Variants in LTBP1 observed in about 807,000 individuals in gnomAD.
LTBP1 encodes latent-transforming growth factor beta-binding protein 1.
LTBP1 carries 129 observed loss-of-function variants against 207.6 expected under a neutral mutation model. That is an observed-to-expected ratio of 0.62 (90% CI 0.54 to 0.72). The LOEUF is 0.72. LTBP1 is among the 30% of genes least tolerant of loss of function. The pLI is 0.00. For missense variants in LTBP1, 2,281 were observed against 2,217.2 expected (o/e 1.03, Z -0.58); for synonymous variants, 963 against 833.7 (o/e 1.16, Z -2.67).
intron 2 of LTBP1, 108 bp from the exon 3 acceptor site, chr2:33,020,801 T>C: frequency 8.8e-7 from 1 of 1,131,080 alleles, no homozygotes; most frequent in Non-Finnish European, 1.2e-6. Flanking sequence ...ATTTGTGTGG[T>C]TTTTTATTGG....
At chr2:33,359,251 G>A (rs1214431200) in intron 26 of LTBP1, among the ~76,000 whole-genome samples, 2 of 152,128 alleles carry the variant, frequency 1.3e-5, no homozygotes, top group African/African-American at 4.8e-5. Flanking sequence ...ATATTTCAGA[G>A]GTTTGTTTGC....
chr2:33,153,955 T>C (rs111466900), intron 5 of LTBP1, among the ~76,000 whole-genome samples: 3,004 of 152,290 alleles, frequency 0.02, 103 homozygotes, highest in African/African-American at 0.069. Flanking sequence ...AGCCCCCTCC[T>C]GCAGGGTCCC....
intron 3 of LTBP1, among the ~76,000 whole-genome samples, chr2:33,081,552 C>A (rs1460409502): frequency 5.3e-5 from 8 of 152,016 alleles, no homozygotes; most frequent in African/African-American, 1.9e-4. Context: ...AAATCTCGGG[C>A]TCTGTAATGT....
At chr2:33,237,021 G>T (rs551372592) in intron 9 of LTBP1, among the ~76,000 whole-genome samples, 17 of 152,258 alleles carry the variant, frequency 1.1e-4, no homozygotes, top group Admixed American at 4.6e-4. Flanking sequence ...TATAATCATG[G>T]GACAGTTACA....
At chr2:33,076,175 T>TA (rs1394574229) in intron 3 of LTBP1, among the ~76,000 whole-genome samples, 1 of 152,224 alleles carries the variant, frequency 6.6e-6, no homozygotes, top group Non-Finnish European at 1.5e-5. Context: ...AAATGTGACT[T>TA]ACGGAAGAAT....
chr2:33,276,888 C>CT (rs755593996), intron 18 of LTBP1, among the ~76,000 whole-genome samples: 2 of 152,110 alleles, frequency 1.3e-5, no homozygotes, highest in Non-Finnish European at 2.9e-5. Context: ...CACTATGGCA[C>CT]TTTTTTTGCA....
At chr2:33,203,766 A>T (rs552690960) in intron 7 of LTBP1, among the ~76,000 whole-genome samples, 1 of 152,342 alleles carries the variant, frequency 6.6e-6, no homozygotes, top group African/African-American at 2.4e-5. Flanking sequence ...AGGAATAAGC[A>T]TTGAAAATAA....
At chr2:33,138,911 T>C (rs986508824) in intron 5 of LTBP1, among the ~76,000 whole-genome samples, 1 of 126,810 alleles carries the variant, frequency 7.9e-6, no homozygotes, top group Admixed American at 9.9e-5. Flanking sequence ...CAGGCTGGAG[T>C]GCAGTGGCGC....
intron 3 of LTBP1, among the ~76,000 whole-genome samples, chr2:33,057,706 T>C (rs1382664907): frequency 1.3e-5 from 2 of 152,214 alleles, no homozygotes; most frequent in Non-Finnish European, 2.9e-5. Flanking sequence ...CCGGCACGGC[T>C]GGCCGGCAGC....
chr2:32,998,299 T>C (rs1385614405), intron 2 of LTBP1, among the ~76,000 whole-genome samples: 1 of 151,672 alleles, frequency 6.6e-6, no homozygotes, highest in Non-Finnish European at 1.5e-5. Context: ...GGGCAGATCA[T>C]GAGGTCAGGA....
intron 31 of LTBP1, among the ~76,000 whole-genome samples, chr2:33,368,385 A>C (rs144488203): frequency 3.3e-5 from 5 of 152,278 alleles, no homozygotes; most frequent in African/African-American, 1.2e-4. Flanking sequence ...GGTTGATTCT[A>C]TCTCTTTGCT....
At chr2:33,341,166 A>C (rs1429077844) in intron 24 of LTBP1, among the ~76,000 whole-genome samples, 1 of 152,154 alleles carries the variant, frequency 6.6e-6, no homozygotes, top group African/African-American at 2.4e-5. Context: ...GAGATGTGGC[A>C]GTGCCCAAGG....
At chr2:32,962,197 G>GA (rs1035781392) in intron 2 of LTBP1, among the ~76,000 whole-genome samples, 1 of 152,066 alleles carries the variant, frequency 6.6e-6, no homozygotes, top group African/African-American at 2.4e-5. Context: ...ACACCTCCTA[G>GA]AAGTTGGTTT....
At chr2:33,302,568 C>A (rs997657896) in intron 22 of LTBP1, among the ~76,000 whole-genome samples, 1 of 152,156 alleles carries the variant, frequency 6.6e-6, no homozygotes, top group African/African-American at 2.4e-5. Context: ...TTGGCAGAAG[C>A]AGTCACAAGT....
intron 31 of LTBP1, among the ~76,000 whole-genome samples, chr2:33,371,156 T>C (rs936711463): frequency 6.6e-6 from 1 of 152,232 alleles, no homozygotes; most frequent in African/African-American, 2.4e-5. Context: ...TTTCTGGGGC[T>C]GCTTAGGATC....
chr2:33,171,528 T>C (rs1179945905), intron 5 of LTBP1, among the ~76,000 whole-genome samples: 1 of 151,286 alleles, frequency 6.6e-6, no homozygotes, highest in African/African-American at 2.4e-5. Flanking sequence ...AATCTACGTC[T>C]GATTGGTGTA....
At chr2:33,274,926 A>T (rs1022921072) in intron 16 of LTBP1, 39 bp from the exon 17 acceptor site, 74 of 1,603,340 alleles carry the variant, frequency 4.6e-5, no homozygotes, top group Non-Finnish European at 6.1e-5. Flanking sequence ...AGTTCTTGCT[A>T]CACAGAACTA....
At chr2:33,016,171 A>G (rs1459444205) in intron 2 of LTBP1, among the ~76,000 whole-genome samples, 1 of 152,134 alleles carries the variant, frequency 6.6e-6, no homozygotes, top group Admixed American at 6.5e-5. Flanking sequence ...GCTCCTGCAT[A>G]GGGCTCCCTC....
At chr2:33,288,616 G>A (rs1388791895) in intron 19 of LTBP1, among the ~76,000 whole-genome samples, 2 of 152,166 alleles carry the variant, frequency 1.3e-5, no homozygotes, top group African/African-American at 2.4e-5. Context: ...AGCACTTTGG[G>A]AGGCCGAGGC....
Sources: gnomAD v4.1 joint callset for allele counts (sites outside exome capture counted in the v4.1 genomes callset) on GRCh38, gnomAD v4.1.1 for gene constraint, MANE v1.5 for transcripts, NCBI Gene and HGNC (gene_info 2026-07-23, HGNC 2026-07-21) for gene names.